AKAP13: variants seen among roughly 807,000 people sequenced by gnomAD.
AKAP13 encodes the protein A-kinase anchor protein 13.
In AKAP13, 80 loss-of-function variants were observed where a neutral mutation model predicts 264.5. The ratio of observed to expected loss-of-function variants is 0.30; its 90% CI spans 0.25 to 0.36. The LOEUF is 0.36. Ranked by LOEUF, AKAP13 falls within the 10% of genes least tolerant of loss-of-function variation. The pLI is 1.00. For synonymous variants in AKAP13, 1,380 were observed against 1,250.2 expected, an observed-to-expected ratio of 1.10 and a Z score of -2.19; for missense variants, 3,712 against 3,435.2, an observed-to-expected ratio of 1.08 and a Z score of -2.01.
At chr15:85,736,735 G>C (rs1437177754) in intron 33 of AKAP13, among the ~76,000 whole-genome samples, 1 of 152,058 alleles carries the variant, frequency 6.6e-6, no homozygotes, top group Non-Finnish European at 1.5e-5. Flanking sequence ...AATAGGGCCT[G>C]TGAAATCCCT....
intron 2 of AKAP13, among the ~76,000 whole-genome samples, chr15:85,504,962 C>T (rs1472001774): frequency 6.6e-6 from 1 of 151,934 alleles, no homozygotes; most frequent in African/African-American, 2.4e-5. Context: ...CTCTCTTTTG[C>T]TCTCACTCTC....
chr15:85,399,288 A>G (rs1375350517), intron 1 of AKAP13, among the ~76,000 whole-genome samples: 1 of 151,056 alleles, frequency 6.6e-6, no homozygotes, highest in Non-Finnish European at 1.5e-5. Flanking sequence ...TGAGGTCAGG[A>G]GATCGAGACC....
At chr15:85,717,526 A>G in intron 21 of AKAP13, 124 bp downstream of exon 21, 1 of 706,682 alleles carries the variant, frequency 1.4e-6, no homozygotes. Context: ...AAGATTCTCT[A>G]AATTGTCAGT....
At chr15:85,642,386 C>T (rs2082347268) in intron 9 of AKAP13, among the ~76,000 whole-genome samples, 1 of 152,328 alleles carries the variant, frequency 6.6e-6, no homozygotes, top group South Asian at 2.1e-4. Flanking sequence ...AAAACCAGAG[C>T]TCTTTACTCT....
At chr15:85,508,995 T>C (rs1451943809) in intron 2 of AKAP13, among the ~76,000 whole-genome samples, 1 of 152,208 alleles carries the variant, frequency 6.6e-6, no homozygotes, top group Non-Finnish European at 1.5e-5. Flanking sequence ...TTATGCTGTC[T>C]TACTCTTTCT....
At chr15:85,466,078 C>T (rs1197836101) in intron 1 of AKAP13, among the ~76,000 whole-genome samples, 43 of 151,928 alleles carry the variant, frequency 2.8e-4, no homozygotes, top group African/African-American at 8.7e-4. Flanking sequence ...CATTGTGGTT[C>T]TGATTTGCAT....
chr15:85,470,811 T>C (rs141834245), intron 1 of AKAP13, among the ~76,000 whole-genome samples: 1 of 152,242 alleles, frequency 6.6e-6, no homozygotes, highest in African/African-American at 2.4e-5. Context: ...TATGTTACTT[T>C]GGAGATGTGG....
chr15:85,665,900 G>A (rs549795599), intron 13 of AKAP13, among the ~76,000 whole-genome samples: 114 of 152,246 alleles, frequency 7.5e-4, no homozygotes, highest in African/African-American at 2.7e-3. Flanking sequence ...TGGTGTATAT[G>A]TGCCACATTT....
At chr15:85,497,506 A>G (rs2075905010) in intron 2 of AKAP13, among the ~76,000 whole-genome samples, 1 of 152,148 alleles carries the variant, frequency 6.6e-6, no homozygotes, top group Non-Finnish European at 1.5e-5. Context: ...CAGTCTTTGG[A>G]GTAAGGCATG....
intron 6 of AKAP13, among the ~76,000 whole-genome samples, chr15:85,577,241 T>A (rs1348683584): frequency 1.3e-5 from 2 of 152,194 alleles, no homozygotes; most frequent in African/African-American, 4.8e-5. Context: ...ACCCTGTAAG[T>A]GCCCAATATA....
At chr15:85,586,911 G>C (rs1012975720) in intron 8 of AKAP13, among the ~76,000 whole-genome samples, 3 of 141,380 alleles carry the variant, frequency 2.1e-5, no homozygotes, top group Non-Finnish European at 4.6e-5. Flanking sequence ...CTGGGCGACA[G>C]AGCACGACAC....
Position 85,467,246 on chromosome 15 carries a change from TA to T in AKAP13, c.-11-18461del, listed in dbSNP as rs796376231. ...TACCTTTATTTGATGTAGTTGATTCTAAATATAGACCTTGCATATATGTATA... is the reference window on the plus strand; with the variant it reads ...TACCTTTATTTGATGTAGTTGATTCTAATATAGACCTTGCATATATGTATA... On this transcript the variant is annotated intron_variant, in intron 1 of 36. Coordinates refer to ENST00000394518, the MANE Select transcript of AKAP13 (RefSeq NM_007200.5). Among the ~76,000 whole-genome samples the T allele has an allele frequency of 3.9e-5, 6 of 152,328 alleles. No homozygotes were observed. The South Asian group carries it at 1.2e-3, about 32-fold the overall frequency.
chr15:85,619,869 A>G (rs1157997185), intron 8 of AKAP13: 6 of 1,397,596 alleles, frequency 4.3e-6, no homozygotes, highest in Middle Eastern at 5.1e-4. Flanking sequence ...CTCTGAAGTT[A>G]TCAGCAAGTT....
chr15:85,602,486 C>G (rs996046688), intron 8 of AKAP13, among the ~76,000 whole-genome samples: 2 of 148,488 alleles, frequency 1.3e-5, no homozygotes, highest in African/African-American at 5.0e-5. Context: ...TGGTCTATCT[C>G]ATATATATAT....
At chr15:85,544,094 A>G in intron 5 of AKAP13, 139 bp downstream of exon 5, 1 of 1,023,668 alleles carries the variant, frequency 9.8e-7, no homozygotes, top group Non-Finnish European at 1.5e-6. Flanking sequence ...CTTCTGCTGG[A>G]GGTTTGTAAG....
rs2079145924 is a variant in AKAP13, at chr15:85,581,778, A to G, written c.3710A>G (p.Gln1237Arg). The change falls in exon 7 of 37, where the codon CAG becomes CGG. Residue 1237 changes from glutamine (Q) to arginine (R), a missense_variant. By Grantham distance (43) the Gln-to-Arg change is conservative. Coordinates refer to ENST00000394518, the MANE Select transcript of AKAP13 (RefSeq NM_007200.5). The part of the protein sequence containing the change: ...TPSLPCMVSA[Q>R]DAPLPKGADL... ...TCTCTACCTTGCATGGTCTCTGCCC[A>G]GGACGCACCTCTGCCTAAGGGGGCA... 1 of 1,614,042 alleles carries G rather than the reference A, an allele frequency of 6.2e-7. No individual in the cohort carries two copies.
At chr15:85,404,574 C>G (rs1469760904) in intron 1 of AKAP13, among the ~76,000 whole-genome samples, 1 of 152,178 alleles carries the variant, frequency 6.6e-6, no homozygotes, top group Non-Finnish European at 1.5e-5. Flanking sequence ...CAAGCTAAGT[C>G]TTGAAGGATG....
chr15:85,741,075 TGAG>T lies in AKAP13; in HGVS notation c.7641_7643del (p.Glu2547del). The T allele has an allele frequency of 6.2e-7, 1 of 1,612,844 alleles. No homozygotes were observed. Among genetic ancestry groups the T allele is most frequent in the Non-Finnish European group, 8.5e-7 (1 of 1,179,538 alleles). On this transcript the variant is annotated inframe_deletion, in exon 35 of 37. Transcript: ENST00000394518. ...TGGTGCTGCAGCAGGACAGCTACAT[TGAG>T]GACCAGAAACTGGTGCTGAGCGAGA...
intron 5 of AKAP13, among the ~76,000 whole-genome samples, chr15:85,554,561 C>T (rs12442369): frequency 0.039 from 5,903 of 152,040 alleles, 268 homozygotes; most frequent in Admixed American, 0.15. Flanking sequence ...ACACTTACCC[C>T]ACAAGCAGGC....
Sources: gnomAD v4.1 joint callset for allele counts (sites outside exome capture counted in the v4.1 genomes callset) on GRCh38, gnomAD v4.1.1 for gene constraint, MANE v1.5 for transcripts, NCBI Gene and HGNC (gene_info 2026-07-23, HGNC 2026-07-21) for gene names.